Variants in MRPL23 observed in about 807,000 individuals in gnomAD.
The protein encoded by MRPL23 is mitochondrial ribosomal protein L23.
For synonymous variants in MRPL23, 12 were observed against 34.8 expected, an observed-to-expected ratio of 0.35 and a Z score of 2.30; for missense variants, 25 against 81.3, an observed-to-expected ratio of 0.31 and a Z score of 2.66.
intron 5 of MRPL23, chr11:1,983,633 G>A (rs1370275880): frequency 7.2e-6 from 1 of 138,040 alleles, no homozygotes; most frequent in African/African-American, 2.6e-5. Flanking sequence ...CCCTTCCCCA[G>A]GCCTCATGTG....
rs964356075 is a variant in MRPL23 at position 1,983,758 on chromosome 11, C to A, written c.498-680C>A. Reference sequence around the variant, plus strand: ...AAGGGTCCACGCCCACAGCCTCAGCCCGGAACCTGAAGGCTCTGAGGCTTC... The same window carrying A: ...AAGGGTCCACGCCCACAGCCTCAGCACGGAACCTGAAGGCTCTGAGGCTTC... On this transcript the variant is annotated intron_variant, in intron 5 of 5. Coordinates refer to the MRPL23 transcript ENST00000397297. 4.1e-5 allele frequency: 6 copies of A among 145,774 alleles called. 1 individual carries two copies. The highest frequency in any genetic ancestry group is 1.5e-4 in the African/African-American group (6 of 40,338). 9.0% of individuals were successfully genotyped at this position (145,774 alleles called of 1,614,324 possible). A position where few individuals can be genotyped will look rare whatever the true frequency, so the allele number is the denominator to read the frequency against.
At chr11:1,951,122 CAG>C (rs1491088304) in intron 2 of MRPL23, 101 bp downstream of exon 2, 1 of 128,336 alleles carries the variant, frequency 7.8e-6, no homozygotes, top group South Asian at 1.6e-4. Flanking sequence ...AGAGTGCCCT[CAG>C]GGGGGCCTGG....
chr11:1,984,291 G>C (rs1265703632), intron 5 of MRPL23: 1 of 4,282 alleles, frequency 2.3e-4, no homozygotes, highest in African/African-American at 6.4e-4. Flanking sequence ...CCGTTTTCTG[G>C]ATGCTCCCTT....
At chr11:1,989,215 A>G (rs539269894), downstream of MRPL23, among the ~76,000 whole-genome samples, 3 of 89,756 alleles carry the variant, frequency 3.3e-5, no homozygotes, top group South Asian at 1.4e-3. Context: ...ACCTGGTCCC[A>G]GCCCCGGGTC....
downstream of MRPL23, among the ~76,000 whole-genome samples, chr11:1,988,998 C>T (rs1254013967): frequency 1.4e-5 from 2 of 141,436 alleles, no homozygotes; most frequent in African/African-American, 2.5e-5. Context: ...TCCCCAGCCC[C>T]TGGCGGCCCA....
In MRPL23 at chr11:1,956,423, GGGTGGCCAGCAGGGACGCGCCCCA is replaced by G. The variant is rs766271443; in HGVS notation, c.*9_*32del. ...TCCCCAGCTGGTTCGGGCTGTGACG[GGGTGGCCAGCAGGGACGCGCCCCA>G]GGTGGGCAGCTGTGGCAGAGCAGCG... On this transcript the variant is annotated 3_prime_UTR_variant, in exon 5 of 5. Transcript: ENST00000397298. 6.8e-5 allele frequency: 76 copies of G among 1,123,678 alleles called. 5 individuals are homozygous for G. Among genetic ancestry groups the G allele is most frequent in the Non-Finnish European group, 7.1e-5 (61 of 860,942 alleles). 69.6% of individuals were successfully genotyped at this position (1,123,678 alleles called of 1,614,324 possible). A position where few individuals can be genotyped will look rare whatever the true frequency, so the allele number is the denominator to read the frequency against.
At chr11:1,994,324 C>T in the MRPL23 span, among the ~76,000 whole-genome samples, 266 of 97,734 alleles carry the variant, frequency 2.7e-3, 48 homozygotes, top group African/African-American at 6.7e-3. Context: ...CTGGCCTCTG[C>T]GGGGAAGCTG....
At chr11:1,994,273 G>A in the MRPL23 span, among the ~76,000 whole-genome samples, 2 of 98,138 alleles carry the variant, frequency 2.0e-5, no homozygotes, top group Non-Finnish European at 2.8e-5. Context: ...CACAGCGAGG[G>A]GCCGGGAGCT....
the MRPL23 span, chr11:1,992,080 T>G: frequency 3.7e-5 from 1 of 26,840 alleles, no homozygotes; most frequent in African/African-American, 7.7e-5. Context: ...GGCTCAGGGG[T>G]CCACCCTCCA....
downstream of MRPL23, among the ~76,000 whole-genome samples, chr11:1,988,922 C>T (rs533367813): frequency 1.4e-5 from 2 of 145,216 alleles, no homozygotes; most frequent in South Asian, 2.5e-4. Flanking sequence ...GCCCCACAGA[C>T]GGGCCTCCCT....
At chr11:1,994,376 G>A in the MRPL23 span, among the ~76,000 whole-genome samples, 4 of 95,648 alleles carry the variant, frequency 4.2e-5, 1 homozygote, top group Admixed American at 1.0e-4. Context: ...CCTGGGGAGC[G>A]AACCCCTGCA....
chr11:1,989,222 G>T (rs1312438384), downstream of MRPL23, among the ~76,000 whole-genome samples: 1 of 86,172 alleles, frequency 1.2e-5, no homozygotes, highest in East Asian at 3.0e-4. Context: ...CCCAGCCCCG[G>T]GTCTCCAGCC....
rs568794356 is a variant in MRPL23, at chr11:1,983,975, G to A, written c.498-463G>A. On this transcript the variant is annotated intron_variant, in intron 5 of 5. Coordinates refer to the MRPL23 transcript ENST00000397297. Reference sequence around the variant, plus strand: ...CGCCCTCCCGACGAAGCTTCTTTGCGCCCTGCTCACTCTCCTCAGCCCCCA... The same window carrying A: ...CGCCCTCCCGACGAAGCTTCTTTGCACCCTGCTCACTCTCCTCAGCCCCCA... The A allele has an allele frequency of 1.7e-5, 2 of 115,316 alleles. 1 individual carries two copies. The highest frequency in any genetic ancestry group is 5.8e-5 in the African/African-American group (2 of 34,682). 7.1% of individuals were successfully genotyped at this position (115,316 alleles called of 1,614,324 possible). A position where few individuals can be genotyped will look rare whatever the true frequency, so the allele number is the denominator to read the frequency against.
At chr11:1,971,311 A>C in intron 4 of MRPL23, among the ~76,000 whole-genome samples, 2 of 100,120 alleles carry the variant, frequency 2.0e-5, no homozygotes, top group African/African-American at 2.9e-5. Flanking sequence ...CGCCCCTGGA[A>C]CTCCTCTCTC....
In MRPL23 at chr11:1,956,354, G is replaced by A. The variant is rs1360687737; in HGVS notation, c.396G>A (p.Glu132=). 6.5e-7 allele frequency: 1 copy of A among 1,536,588 alleles called. No homozygotes were observed. Among genetic ancestry groups the A allele is most frequent in the Non-Finnish European group, 8.8e-7 (1 of 1,139,974 alleles). Residue 132 remains glutamate (E), a synonymous_variant, in exon 5 of 5, where the codon GAG becomes GAA. Transcript: ENST00000397298. ...AADDLYSMLE[E]ERQQRQSSDP... is the part of the protein sequence containing the mutation. Reference sequence around the variant, plus strand: ...ACGACCTCTACAGCATGCTCGAGGAGGAGAGGCAGCAGAGGCAGAGCAGCG... The same window carrying A: ...ACGACCTCTACAGCATGCTCGAGGAAGAGAGGCAGCAGAGGCAGAGCAGCG...
chr11:1,984,251 C>G (rs914630185), intron 5 of MRPL23: 1 of 12,828 alleles, frequency 7.8e-5, no homozygotes, highest in African/African-American at 2.2e-4. Flanking sequence ...AGCTGGTGCC[C>G]GTGATATCCG....
chr11:1,988,944 G>A (rs977957575), downstream of MRPL23, among the ~76,000 whole-genome samples: 2 of 143,686 alleles, frequency 1.4e-5, no homozygotes, highest in African/African-American at 2.5e-5. Context: ...GATGGTCCTG[G>A]GTCAGCACAC....
In MRPL23 at chr11:1,953,254, C is replaced by CA. The variant is rs2119499957; in HGVS notation, c.297+400dup. The CA allele has an allele frequency of 2.1e-5, 2 of 94,396 alleles. 1 individual carries two copies. Among genetic ancestry groups the CA allele is most frequent in the Admixed American group, 3.0e-4 (2 of 6,654 alleles). The allele number at this position is 94,396 out of a possible 1,614,324, so 5.8% of individuals were successfully genotyped here. ...CTTGGCTGGGTTTCAGCCTCGGAGG[C>CA]AGAGTGTGAGGCCCCTGAGGGCAAA... On this transcript the variant is annotated intron_variant, in intron 4 of 4. Coordinates refer to ENST00000397298, the MANE Select transcript of MRPL23 (RefSeq NM_021134.4).
Position 1,956,303 on chromosome 11 carries a change from C to G in MRPL23, c.345C>G (p.Asp115Glu). Residue 115 changes from aspartate to glutamate, a missense_variant, in exon 5 of 5, where the codon GAC (aspartate) becomes GAG (glutamate). Transcript: ENST00000397298. ...TCCCAGATCTGTTTCCCGAGAAAGA[C>G]GAGAGCCCTGAAGGCAGCGCTGCCG... is the stretch of plus-strand genomic sequence containing the variant. Reference protein sequence around the residue: ...FTFPDLFPEKDESPEGSAADD... With the variant: ...FTFPDLFPEKEESPEGSAADD... The G allele has an allele frequency of 6.4e-7, 1 of 1,552,558 alleles. No individual in the cohort carries two copies. Among genetic ancestry groups the G allele is most frequent in the Non-Finnish European group, 8.7e-7 (1 of 1,146,754 alleles).
Sources: gnomAD v4.1 joint callset for allele counts (sites outside exome capture counted in the v4.1 genomes callset) on GRCh38, gnomAD v4.1.1 for gene constraint, MANE v1.5 for transcripts, NCBI Gene and HGNC (gene_info 2026-07-23, HGNC 2026-07-21) for gene names.